The following LAMA2 variants were observed in gnomAD, a reference collection of about 807,000 sequenced individuals.
The protein encoded by LAMA2 is laminin subunit alpha-2.
Under a neutral mutation model 364.8 loss-of-function variants are expected in LAMA2, and 269 were observed. The ratio of observed to expected loss-of-function variants is 0.74; its 90% confidence interval spans 0.67 to 0.82. The LOEUF is 0.82. LAMA2 is among the 40% of genes least tolerant of loss of function. LAMA2 has a pLI of 0.00. For synonymous variants in LAMA2, 1,379 were observed against 1,370.6 expected (o/e 1.01, Z -0.14); for missense variants, 3,807 against 3,873.2 (o/e 0.98, Z 0.45).
At chr6:129,397,265 T>C (rs1021307484) in intron 37 of LAMA2, among the ~76,000 whole-genome samples, 1 of 152,218 alleles carries the variant, frequency 6.6e-6, no homozygotes, top group Non-Finnish European at 1.5e-5. Flanking sequence ...TACATAGGCC[T>C]TCTTTCTGTT....
chr6:129,141,918 A>G (rs1048509073), intron 4 of LAMA2, among the ~76,000 whole-genome samples: 3 of 151,942 alleles, frequency 2.0e-5, no homozygotes, highest in African/African-American at 7.2e-5. Context: ...TTCAAAATCT[A>G]CCACTCAATT....
At chr6:129,455,663 GAAATA>G (rs1174776559) in intron 47 of LAMA2, among the ~76,000 whole-genome samples, 1 of 152,048 alleles carries the variant, frequency 6.6e-6, no homozygotes, top group African/African-American at 2.4e-5. Context: ...AAAAGAAAAT[GAAATA>G]AAATGATAAT....
intron 28 of LAMA2, among the ~76,000 whole-genome samples, chr6:129,324,816 G>A (rs111509703): frequency 3.1e-4 from 47 of 152,260 alleles, no homozygotes; most frequent in Non-Finnish European, 5.7e-4. Context: ...GACCACTGTC[G>A]TACACATGGT....
chr6:129,226,258 A>C (rs1374751939), intron 12 of LAMA2, among the ~76,000 whole-genome samples: 2 of 152,192 alleles, frequency 1.3e-5, no homozygotes, highest in Admixed American at 6.5e-5. Context: ...TCTTGAATAC[A>C]GCACACTGAT....
At position 129,393,075 on chromosome 6, in the gene LAMA2, G is replaced by C; in HGVS notation, c.5265G>C (p.Lys1755Asn). 1 of 1,613,922 alleles carries C rather than the reference G, an allele frequency of 6.2e-7. No homozygotes were observed. The highest frequency in any genetic ancestry group is 8.5e-7 in the Non-Finnish European group (1 of 1,179,938). ...VAAEALLKKV[K>N]KLFGESRGEN... ...CAGAAGCCCTTCTGAAAAAAGTGAAGAAGCTGTTTGGAGAGTCCCGGGGGG... is the reference window on the plus strand; with the variant it reads ...CAGAAGCCCTTCTGAAAAAAGTGAACAAGCTGTTTGGAGAGTCCCGGGGGG... Residue 1755 changes from lysine to asparagine, a missense_variant, in exon 37 of 65, where the codon AAG becomes AAC. By Grantham distance (94) the Lys-to-Asn change is moderately conservative. Transcript: ENST00000421865.
chr6:128,984,617 A>C (rs2114646099), intron 1 of LAMA2, among the ~76,000 whole-genome samples: 1 of 151,920 alleles, frequency 6.6e-6, no homozygotes, highest in Admixed American at 6.6e-5. Flanking sequence ...TTTCTATGGA[A>C]GAAACAAGGT....
At chr6:129,038,241 CT>C (rs780176318) in intron 1 of LAMA2, among the ~76,000 whole-genome samples, 2 of 152,064 alleles carry the variant, frequency 1.3e-5, no homozygotes, top group Non-Finnish European at 2.9e-5. Context: ...TTTCCCTTCA[CT>C]TTTTTTCTAT....
At chr6:129,257,946 T>A (rs1786819553) in intron 14 of LAMA2, among the ~76,000 whole-genome samples, 1 of 152,110 alleles carries the variant, frequency 6.6e-6, no homozygotes, top group South Asian at 2.1e-4. Context: ...AGAACTGTTT[T>A]CCATTCATCT....
intron 12 of LAMA2, among the ~76,000 whole-genome samples, chr6:129,245,168 G>A (rs946531739): frequency 7.9e-5 from 12 of 152,152 alleles, no homozygotes; most frequent in Non-Finnish European, 1.6e-4. Flanking sequence ...AGAGGGAAAA[G>A]GCCAAGCCTT....
chr6:129,192,759 C>T lies in LAMA2; in HGVS notation c.1688C>T (p.Ser563Leu). The change falls in exon 12 of 65, where the codon TCA (serine) becomes TTA (leucine). Residue 563 changes from serine to leucine, a missense_variant. By Grantham distance (145) the Ser-to-Leu change is moderately radical (BLOSUM62 -2). This residue lies in a region of LAMA2 where 3,333 missense variants were observed against 3,345.7 expected (regional missense o/e 1.00). Coordinates refer to ENST00000421865, the MANE Select transcript of LAMA2 (RefSeq NM_000426.4). ...RVAPQQDDLD[S>L]PQQISISNAE... ...GCTCCCCAGCAGGACGACTTGGACT[C>T]ACCTCAGCAGATCAGCATCAGTAAC... 1.9e-6 allele frequency: 3 copies of T among 1,614,184 alleles called. No individual in the cohort carries two copies. Among genetic ancestry groups the T allele is most frequent in the Non-Finnish European group, 2.5e-6 (3 of 1,180,020 alleles).
At chr6:129,393,909 A>G (rs1779463882) in intron 37 of LAMA2, among the ~76,000 whole-genome samples, 1 of 152,234 alleles carries the variant, frequency 6.6e-6, no homozygotes. Flanking sequence ...TAACATGAAT[A>G]GATCAGGTCT....
chr6:129,131,032 C>T (rs1777443004), intron 4 of LAMA2, among the ~76,000 whole-genome samples: 1 of 152,056 alleles, frequency 6.6e-6, no homozygotes, highest in Non-Finnish European at 1.5e-5. Flanking sequence ...GTATTTTTGT[C>T]CTTAATAGAA....
chr6:128,991,397 A>G (rs6930839), intron 1 of LAMA2, among the ~76,000 whole-genome samples: 3,746 of 152,310 alleles, frequency 0.025, 141 homozygotes, highest in African/African-American at 0.086. Flanking sequence ...TAAAAAATGT[A>G]AATGGATGAA....
chr6:128,922,409 G>A (rs1778799015), intron 1 of LAMA2, among the ~76,000 whole-genome samples: 1 of 151,640 alleles, frequency 6.6e-6, no homozygotes, highest in Admixed American at 6.6e-5. Flanking sequence ...TCTAACTGGT[G>A]TGAGATGGTA....
intron 3 of LAMA2, among the ~76,000 whole-genome samples, chr6:129,086,489 G>C (rs2114849053): frequency 6.6e-6 from 1 of 152,270 alleles, no homozygotes; most frequent in South Asian, 2.1e-4. Context: ...GAAATGCTCA[G>C]TTGTTAATTT....
At chr6:129,136,164 A>T (rs1348687397) in intron 4 of LAMA2, among the ~76,000 whole-genome samples, 3 of 152,028 alleles carry the variant, frequency 2.0e-5, no homozygotes, top group African/African-American at 7.2e-5. Context: ...AGGATCTTTC[A>T]CTCAATTCTG....
intron 41 of LAMA2, among the ~76,000 whole-genome samples, chr6:129,428,070 A>T (rs960619646): frequency 6.6e-5 from 10 of 152,192 alleles, no homozygotes; most frequent in Admixed American, 5.2e-4. Context: ...TGTAAGTCTT[A>T]TTTCTATAGC....
intron 12 of LAMA2, among the ~76,000 whole-genome samples, chr6:129,200,506 G>T (rs935636912): frequency 6.6e-6 from 1 of 150,472 alleles, no homozygotes; most frequent in Non-Finnish European, 1.5e-5. Flanking sequence ...ACATATATAT[G>T]TGTGTGTATA....
chr6:129,267,192 C>T lies in LAMA2; in HGVS notation c.2295C>T (p.Ser765=). Residue 765 remains serine, a synonymous_variant, in exon 16 of 65, where the codon TCC becomes TCT. Transcript: ENST00000421865. ...GTCAGTGCTTTGGTCATGCGGAGTC[C>T]TGTGATGACGTCACTGGAGAATGCC... The part of the protein sequence containing the change: ...EPCQCFGHAE[S]CDDVTGECLN... 2.5e-6 allele frequency: 4 copies of T among 1,612,474 alleles called. No homozygotes were observed. Among genetic ancestry groups the T allele is most frequent in the Non-Finnish European group, 3.4e-6 (4 of 1,178,702 alleles).
Sources: allele counts gnomAD v4.1 joint callset (sites outside exome capture counted in the v4.1 genomes callset), GRCh38; gene constraint gnomAD v4.1.1; regional missense constraint gnomAD v4.1.1; transcripts MANE v1.5; gene names NCBI Gene and HGNC (gene_info 2026-07-23, HGNC 2026-07-21).